Variants in ROBO2 observed in about 807,000 individuals in gnomAD.
ROBO2 encodes the protein roundabout guidance receptor 2, also known as roundabout homolog 2.
A neutral mutation model predicts 160.8 loss-of-function variants in ROBO2; 53 were observed. The observed-to-expected ratio is 0.33, with a 90% CI of 0.26 to 0.41. ROBO2 has a LOEUF of 0.41. ROBO2 is among the 10% of genes least tolerant of loss of function. The pLI is 1.00. For missense variants in ROBO2, 1,577 were observed against 1,722.4 expected (o/e 0.92, Z 1.49); for synonymous variants, 664 against 611.7 (o/e 1.09, Z -1.26).
intron 2 of ROBO2, among the ~76,000 whole-genome samples, chr3:76,973,566 T>TC (rs2149292912): frequency 6.6e-6 from 1 of 152,240 alleles, no homozygotes; most frequent in Non-Finnish European, 1.5e-5. Context: ...TTATACCTTA[T>TC]TATCAATAGC....
At chr3:77,480,970 A>G (rs1260526312) in intron 3 of ROBO2, 129 bp from the exon 4 acceptor site, 2 of 789,436 alleles carry the variant, frequency 2.5e-6, no homozygotes, top group Non-Finnish European at 4.1e-6. Context: ...AAATGCCAAA[A>G]TAATGGGAGA....
intron 2 of ROBO2, among the ~76,000 whole-genome samples, chr3:76,787,361 C>T (rs200258518): frequency 6.6e-6 from 1 of 150,396 alleles, no homozygotes; most frequent in African/African-American, 2.4e-5. Context: ...CACACACACA[C>T]ACACAGAGTT....
chr3:76,879,168 G>C (rs943514239), intron 2 of ROBO2, among the ~76,000 whole-genome samples: 1 of 152,062 alleles, frequency 6.6e-6, no homozygotes, highest in Non-Finnish European at 1.5e-5. Flanking sequence ...TTTTCATGTC[G>C]TATTTAATTG....
At chr3:75,916,063 G>A (rs1946798022) in intron 1 of ROBO2, among the ~76,000 whole-genome samples, 1 of 152,074 alleles carries the variant, frequency 6.6e-6, no homozygotes, top group Non-Finnish European at 1.5e-5. Context: ...GTACTACAAA[G>A]TCTCATTTCA....
At chr3:77,592,369 G>C (rs908790755) in intron 17 of ROBO2, among the ~76,000 whole-genome samples, 2 of 151,874 alleles carry the variant, frequency 1.3e-5, no homozygotes, top group Non-Finnish European at 2.9e-5. Flanking sequence ...TAATGATGAC[G>C]GGAACAGAAA....
At chr3:76,813,605 A>T (rs931062075) in intron 2 of ROBO2, among the ~76,000 whole-genome samples, 8 of 152,172 alleles carry the variant, frequency 5.3e-5, no homozygotes, top group Non-Finnish European at 1.2e-4. Context: ...AATTATTGTG[A>T]TAAGCAAAAA....
exon 13 of ROBO2, chr3:77,568,408 C>T (rs911133455): frequency 3.7e-6 from 6 of 1,612,802 alleles, no homozygotes; most frequent in Middle Eastern, 1.6e-4. Flanking sequence ...TGTGCTGACT[C>T]CCACCACGGT....
chr3:76,142,682 A>G (rs2071721568), intron 2 of ROBO2, among the ~76,000 whole-genome samples: 1 of 151,930 alleles, frequency 6.6e-6, no homozygotes, highest in Non-Finnish European at 1.5e-5. Context: ...ATGGGGGGCT[A>G]GTGGAGATGG....
intron 2 of ROBO2, among the ~76,000 whole-genome samples, chr3:77,227,898 G>C (rs918997641): frequency 2.0e-5 from 3 of 152,154 alleles, no homozygotes; most frequent in African/African-American, 7.2e-5. Flanking sequence ...CCTCACCCTT[G>C]TAAACACAGA....
At chr3:76,411,503 TA>T (rs1453163091) in intron 2 of ROBO2, among the ~76,000 whole-genome samples, 1 of 152,190 alleles carries the variant, frequency 6.6e-6, no homozygotes. Flanking sequence ...TGATCGCTTC[TA>T]AATTTATTTC....
intron 2 of ROBO2, among the ~76,000 whole-genome samples, chr3:76,353,341 T>G (rs959508583): frequency 6.6e-6 from 1 of 151,948 alleles, no homozygotes; most frequent in Non-Finnish European, 1.5e-5. Flanking sequence ...AGTTGGCAAA[T>G]ATAACTTTAA....
rs576960160 is a variant in ROBO2 at position 75,960,487 on chromosome 3, T to A, written c.109+22885T>A. On this transcript the variant is annotated intron_variant, in intron 2 of 26. Transcript: ENST00000487694. ...CCCTCCCTCCTTTCCCAAATAATTT[T>A]ATAAAGATTATAGGGGTGGTTTCAT... Among the ~76,000 whole-genome samples, 98 of 151,926 alleles carry A rather than the reference T, an allele frequency of 6.5e-4. No homozygotes were observed. In the South Asian group the frequency reaches 0.011, roughly 17 times the overall value.
At chr3:76,609,210 T>C (rs1015072269) in intron 2 of ROBO2, among the ~76,000 whole-genome samples, 7 of 152,164 alleles carry the variant, frequency 4.6e-5, no homozygotes, top group Non-Finnish European at 8.8e-5. Context: ...TTCTGTTTCA[T>C]TTGTCTATAT....
chr3:76,913,714 A>G (rs2076131492), intron 2 of ROBO2, among the ~76,000 whole-genome samples: 1 of 152,232 alleles, frequency 6.6e-6, no homozygotes, highest in African/African-American at 2.4e-5. Flanking sequence ...CTGCAAGATC[A>G]TTCCAACTTC....
intron 2 of ROBO2, among the ~76,000 whole-genome samples, chr3:76,181,313 AT>A (rs905971966): frequency 5.3e-5 from 8 of 152,110 alleles, no homozygotes; most frequent in African/African-American, 1.9e-4. Context: ...TGTTGGATTA[AT>A]TTTTTATTTA....
rs372232162 is a variant in ROBO2, at chr3:76,192,438, T to C, written c.109+254836T>C. ...AAAATAAAATCTCCTTTCCTAGCACTTTTCTCCTTACTATTATTTTAATTT... is the reference window on the plus strand; with the variant it reads ...AAAATAAAATCTCCTTTCCTAGCACCTTTCTCCTTACTATTATTTTAATTT... On this transcript the variant is annotated intron_variant, in intron 2 of 26. Transcript: ENST00000487694. Among the ~76,000 whole-genome samples the C allele has an allele frequency of 1.9e-4, 29 of 152,028 alleles. No individual in the cohort carries two copies. In the South Asian group the frequency reaches 5.8e-3, roughly 30 times the overall value.
At chr3:76,792,635 G>A (rs1267862017) in intron 2 of ROBO2, among the ~76,000 whole-genome samples, 2 of 151,564 alleles carry the variant, frequency 1.3e-5, no homozygotes, top group East Asian at 3.9e-4. Flanking sequence ...GAAAGTAGCT[G>A]TCACATTGCC....
At chr3:77,476,421 C>G (rs2084017111) in intron 2 of ROBO2, among the ~76,000 whole-genome samples, 1 of 151,148 alleles carries the variant, frequency 6.6e-6, no homozygotes, top group African/African-American at 2.4e-5. Context: ...TTCATTTTAC[C>G]TCAAGGTACT....
At chr3:77,415,132 G>T (rs1178459033) in intron 2 of ROBO2, among the ~76,000 whole-genome samples, 1 of 152,178 alleles carries the variant, frequency 6.6e-6, no homozygotes, top group Non-Finnish European at 1.5e-5. Flanking sequence ...ATTAGTGTCA[G>T]TTGTTTGTAA....
Sources: gnomAD v4.1 joint callset for allele counts (sites outside exome capture counted in the v4.1 genomes callset) on GRCh38, gnomAD v4.1.1 for gene constraint, MANE v1.5 for transcripts, NCBI Gene and HGNC (gene_info 2026-07-23, HGNC 2026-07-21) for gene names.